Variants in LCN15 observed in about 807,000 individuals in gnomAD.
LCN15 encodes lipocalin-15.
A neutral mutation model predicts 23.1 loss-of-function variants in LCN15; 26 were observed. That is an observed-to-expected ratio of 1.13 (90% confidence interval 0.82 to 1.56). The LOEUF (loss-of-function observed/expected upper bound fraction) is 1.56, where lower values mean the gene tolerates loss of function less well. Ranked by LOEUF, LCN15 falls within the 40% of genes most tolerant of loss-of-function variation. The pLI, the probability that LCN15 is intolerant of heterozygous loss-of-function variation, is 0.00. For synonymous variants in LCN15, 107 were observed against 98.3 expected, an observed-to-expected ratio of 1.09 and a Z score of -0.52; for missense variants, 241 against 239.5, an observed-to-expected ratio of 1.01 and a Z score of -0.04.
Position 136,761,837 on chromosome 9 carries a change from C to G in LCN15, c.537G>C (p.Glu179Asp), listed in dbSNP as rs1319946626. The G allele has an allele frequency of 4.6e-6, 6 of 1,313,906 alleles. No homozygotes were observed. Among genetic ancestry groups the G allele is most frequent in the Non-Finnish European group, 5.8e-6 (6 of 1,029,588 alleles). 81.4% of individuals were successfully genotyped at this position (1,313,906 alleles called of 1,614,324 possible). Residue 179 changes from glutamate (E) to aspartate (D), a missense_variant, in exon 6 of 7, where the codon GAG (glutamate) becomes GAC (aspartate). Physicochemically the swap from Glu to Asp is conservative, Grantham distance 45. Coordinates refer to ENST00000316144, the MANE Select transcript of LCN15 (RefSeq NM_203347.2). The surrounding 1 kb of genome is among the most constrained non-coding windows in gnomAD (Gnocchi z 4.2). ...MLPQSDACNP[E>D]SKEAP ...GGAGGTGTCAGGGCGCCTCCTTGCT[C>G]TCAGGGTTGCATGCATCTGTGGGGA... is the stretch of plus-strand genomic sequence containing the variant.
At chr9:136,763,237 G>A in intron 4 of LCN15, 120 bp downstream of exon 4, 2 of 595,432 alleles carry the variant, frequency 3.4e-6, no homozygotes, top group East Asian at 5.9e-5. Flanking sequence ...AGGGGTGAGG[G>A]CGGGGCCTGT....
Position 136,764,381 on chromosome 9 carries a change from G to A in LCN15, c.96+12C>T, listed in dbSNP as rs751766854. Reference sequence around the variant, plus strand: ...CTCCCACCCACCACAGGACAGCAGAGGCCCCTGGTACCTTTTCAGCATTGA... The same window carrying A: ...CTCCCACCCACCACAGGACAGCAGAAGCCCCTGGTACCTTTTCAGCATTGA... On this transcript the variant is annotated intron_variant, in intron 1 of 6. Transcript: ENST00000316144. 1.1e-5 allele frequency: 17 copies of A among 1,610,404 alleles called. No individual in the cohort carries two copies. Among genetic ancestry groups the A allele is most frequent in the Non-Finnish European group, 1.3e-5 (15 of 1,177,822 alleles).
Position 136,764,513 on chromosome 9 carries a change from G to A in LCN15, c.-25C>T. ...TCCCCTCCCCTGCCCTCCAGCCCCT[G>A]GTGCTGAGTCCCCAAGCCCCAGGGG... On this transcript the variant is annotated 5_prime_UTR_variant, in exon 1 of 7. Transcript: ENST00000316144. 1 of 1,593,230 alleles carries A rather than the reference G, an allele frequency of 6.3e-7. No individual in the cohort carries two copies. Among genetic ancestry groups the A allele is most frequent in the Non-Finnish European group, 8.6e-7 (1 of 1,166,430 alleles).
At chr9:136,764,113 G>A (rs368962897) in intron 1 of LCN15, 104 bp from the exon 2 acceptor site, 192 of 1,448,476 alleles carry the variant, frequency 1.3e-4, no homozygotes, top group East Asian at 1.6e-4. Context: ...AAGGGGTCTC[G>A]GAGTGGCCAT....
At chr9:136,764,221 G>A (rs1847354889) in intron 1 of LCN15, 172 bp downstream of exon 1, 3 of 797,584 alleles carry the variant, frequency 3.8e-6, no homozygotes, top group Admixed American at 2.7e-5. Flanking sequence ...AGTGGGTGCA[G>A]TAATGATCCA....
chr9:136,760,485 C>T (rs2784066), intron 6 of LCN15, among the ~76,000 whole-genome samples: 48,503 of 151,988 alleles, frequency 0.32, 8,832 homozygotes, highest in African/African-American at 0.5. Context: ...GAAACAGCCC[C>T]GCCTCAGAGC....
At chr9:136,762,051 G>T in intron 5 of LCN15, 137 bp downstream of exon 5, 1 of 742,920 alleles carries the variant, frequency 1.3e-6, no homozygotes, top group Non-Finnish European at 2.1e-6. Flanking sequence ...GGCTGCAGGG[G>T]CTGCCAGCCC....
chr9:136,764,273 G>C (rs1847355276), intron 1 of LCN15, 120 bp downstream of exon 1: 1 of 997,970 alleles, frequency 1.0e-6, no homozygotes, highest in South Asian at 1.6e-5. Flanking sequence ...TGGGTCTATA[G>C]CACGTGCCTG....
chr9:136,763,865 C>T lies in LCN15; in HGVS notation c.236+5G>A. Reference sequence around the variant, plus strand: ...AGCCCAGGCAGCCCAGCCCAAGTAACTCACCCCGGGAACTCCATGTGGACG... The same window carrying T: ...AGCCCAGGCAGCCCAGCCCAAGTAATTCACCCCGGGAACTCCATGTGGACG... On this transcript the variant is annotated splice_donor_5th_base_variant and intron_variant, in intron 2 of 6. Coordinates refer to ENST00000316144, the MANE Select transcript of LCN15 (RefSeq NM_203347.2). 5.0e-6 allele frequency: 8 copies of T among 1,613,502 alleles called. No individual in the cohort carries two copies. Among genetic ancestry groups the T allele is most frequent in the African/African-American group, 1.3e-5 (1 of 75,038 alleles).
intron 4 of LCN15, among the ~76,000 whole-genome samples, chr9:136,762,809 G>A (rs1847334135): frequency 6.6e-6 from 1 of 151,646 alleles, no homozygotes; most frequent in Admixed American, 6.6e-5. Context: ...TGTAGTCCCA[G>A]CTTATCGGGG....
intron 1 of LCN15, 141 bp from the exon 2 acceptor site, chr9:136,764,150 G>A (rs892521623): frequency 1.9e-6 from 2 of 1,055,346 alleles, no homozygotes; most frequent in Non-Finnish European, 2.8e-6. Context: ...GAGCCCAGGT[G>A]GACAGGAACT....
At position 136,763,341 on chromosome 9, in the gene LCN15, T is replaced by C; in HGVS notation, c.418+16A>G. On this transcript the variant is annotated intron_variant, in intron 4 of 6. Coordinates refer to ENST00000316144, the MANE Select transcript of LCN15 (RefSeq NM_203347.2). ...TTGGGGAGGGGCCAGTGCGGGGAGG[T>C]GGGACAGGCACTCACTGTAGAGCTG... The C allele has an allele frequency of 7.2e-7, 1 of 1,393,282 alleles. No individual in the cohort carries two copies. Among genetic ancestry groups the C allele is most frequent in the Non-Finnish European group, 9.7e-7 (1 of 1,027,648 alleles). The allele number at this position is 1,393,282 out of a possible 1,614,324, so 86.3% of individuals were successfully genotyped here.
chr9:136,760,543 C>A (rs886837360), intron 6 of LCN15, among the ~76,000 whole-genome samples: 1 of 151,734 alleles, frequency 6.6e-6, no homozygotes, highest in African/African-American at 2.4e-5. Context: ...TCCCTCCAGA[C>A]GCCGGTGACT....
chr9:136,763,223 G>A (rs1404368735), intron 4 of LCN15, 134 bp downstream of exon 4: 6 of 574,022 alleles, frequency 1.0e-5, no homozygotes, highest in East Asian at 8.9e-5. Context: ...AAGGCGGGGG[G>A]CGGAGGGGTG....
At chr9:136,764,306 C>A in intron 1 of LCN15, 87 bp downstream of exon 1, 1 of 1,355,736 alleles carries the variant, frequency 7.4e-7, no homozygotes, top group South Asian at 1.3e-5. Flanking sequence ...GCAAGCGCCC[C>A]AGGAAAGGCA....
At position 136,762,063 on chromosome 9, in the gene LCN15, C is replaced by G. The variant is rs556679831; in HGVS notation, c.520+125G>C. 42 of 767,074 alleles carry G rather than the reference C, an allele frequency of 5.5e-5. No individual in the cohort carries two copies. In the South Asian group the frequency reaches 7.2e-4, roughly 13 times the overall value. 47.5% of individuals were successfully genotyped at this position (767,074 alleles called of 1,614,324 possible). The stretch of plus-strand genomic sequence containing the variant: ...AGGGGCTGCAGGGGCTGCCAGCCCA[C>G]CCCTGGAAGAGAAGACCACCTGCTG... On this transcript the variant is annotated intron_variant, in intron 5 of 6. Transcript: ENST00000316144.
At chr9:136,762,167 G>T in intron 5 of LCN15, 21 bp downstream of exon 5, 9 of 1,417,378 alleles carry the variant, frequency 6.3e-6, no homozygotes, top group Non-Finnish European at 8.6e-6. Flanking sequence ...GGCATGGGGT[G>T]GGCGGGGCTT....
rs779075097 is a variant in LCN15 at position 136,764,022 on chromosome 9, T to G, written c.97-13A>C. The G allele has an allele frequency of 6.2e-7, 1 of 1,611,346 alleles. No individual in the cohort carries two copies. Among genetic ancestry groups the G allele is most frequent in the South Asian group, 1.1e-5 (1 of 91,048 alleles). ...AGAGGCCTGAGAACTGCCGGGGGCT[T>G]AGTCACCCGCAGGCCAGGACAGCCA... On this transcript the variant is annotated splice_polypyrimidine_tract_variant and intron_variant, in intron 1 of 6. Transcript: ENST00000316144.
chr9:136,763,505 T>C, intron 3 of LCN15, 38 bp from the exon 4 acceptor site: 1 of 1,452,424 alleles, frequency 6.9e-7, no homozygotes, highest in Non-Finnish European at 9.4e-7. Context: ...GCTGGAGAAG[T>C]GGATGGGCCC....
Sources: allele counts gnomAD v4.1 joint callset (sites outside exome capture counted in the v4.1 genomes callset), GRCh38; gene constraint gnomAD v4.1.1; non-coding constraint Gnocchi (gnomAD v3.1); transcripts MANE v1.5; gene names NCBI Gene and HGNC (gene_info 2026-07-23, HGNC 2026-07-21).